Variants in HS3ST4 observed in about 807,000 individuals in gnomAD.
The protein encoded by HS3ST4 is heparan sulfate glucosamine 3-O-sulfotransferase 4.
Under a neutral mutation model 29.2 loss-of-function variants are expected in HS3ST4, and 17 were observed. The observed-to-expected ratio is 0.58, with a 90% confidence interval of 0.40 to 0.87. The LOEUF (loss-of-function observed/expected upper bound fraction) is 0.87, where lower values mean the gene tolerates loss of function less well. HS3ST4 is among the 40% of genes least tolerant of loss of function. HS3ST4 has a pLI of 0.00. For synonymous variants in HS3ST4, 314 were observed against 285.7 expected (o/e 1.10, Z -1.00); for missense variants, 627 against 634.5 (o/e 0.99, Z 0.13).
At chr16:25,930,217 C>A (rs971088604) in intron 1 of HS3ST4, among the ~76,000 whole-genome samples, 1 of 152,122 alleles carries the variant, frequency 6.6e-6, no homozygotes, top group Non-Finnish European at 1.5e-5. Flanking sequence ...GAACATGCTT[C>A]TGGTTGTGGA....
chr16:26,075,108 G>A (rs1037172785), intron 1 of HS3ST4, among the ~76,000 whole-genome samples: 13 of 152,124 alleles, frequency 8.5e-5, no homozygotes, highest in African/African-American at 2.9e-4. Flanking sequence ...CAGGAGAATC[G>A]CTTGAACCCG....
intron 1 of HS3ST4, among the ~76,000 whole-genome samples, chr16:25,718,991 G>C (rs1218295241): frequency 1.3e-5 from 2 of 152,134 alleles, no homozygotes. Context: ...TGGAAGTAAG[G>C]GTTTTAAAAG....
At chr16:25,873,414 C>T (rs372149837) in intron 1 of HS3ST4, among the ~76,000 whole-genome samples, 7 of 112,434 alleles carry the variant, frequency 6.2e-5, no homozygotes, top group Non-Finnish European at 1.1e-4. Flanking sequence ...ATCCATCCAT[C>T]CACCCATCCA....
intron 1 of HS3ST4, among the ~76,000 whole-genome samples, chr16:26,005,150 A>G (rs1969246533): frequency 6.6e-6 from 1 of 152,190 alleles, no homozygotes; most frequent in Non-Finnish European, 1.5e-5. Flanking sequence ...CAAAATGCTT[A>G]CTTTCTGAAT....
intron 1 of HS3ST4, among the ~76,000 whole-genome samples, chr16:25,911,401 G>T (rs984239454): frequency 3.3e-5 from 5 of 151,328 alleles, no homozygotes; most frequent in Non-Finnish European, 5.9e-5. Flanking sequence ...AAGCCAGCCT[G>T]TCAGGTAAAC....
intron 1 of HS3ST4, among the ~76,000 whole-genome samples, chr16:26,027,198 C>A (rs1969485083): frequency 6.6e-6 from 1 of 152,116 alleles, no homozygotes; most frequent in Admixed American, 6.6e-5. Flanking sequence ...TGGACTGTAG[C>A]CATGCTGTCA....
intron 1 of HS3ST4, among the ~76,000 whole-genome samples, chr16:26,101,335 T>C (rs899774519): frequency 1.7e-4 from 26 of 152,238 alleles, no homozygotes; most frequent in Admixed American, 1.6e-3. Flanking sequence ...TCCTCGTCTC[T>C]GTCATCTCCA....
chr16:25,693,169 G>A lies in HS3ST4; in HGVS notation c.734+18G>A. 6.5e-7 allele frequency: 1 copy of A among 1,550,122 alleles called. No individual in the cohort carries two copies. Among genetic ancestry groups the A allele is most frequent in the Non-Finnish European group, 8.7e-7 (1 of 1,149,870 alleles). On this transcript the variant is annotated intron_variant, in intron 1 of 1. Transcript: ENST00000331351. ...TGGTACAGGTAGGACCCTGGGCTCC[G>A]CGGGCTGGTGGAGACGCGTGGGGGA... is the stretch of plus-strand genomic sequence containing the variant.
intron 1 of HS3ST4, among the ~76,000 whole-genome samples, chr16:26,067,664 T>C (rs553198069): frequency 6.6e-6 from 1 of 152,154 alleles, no homozygotes; most frequent in Non-Finnish European, 1.5e-5. Flanking sequence ...TCTTTACATC[T>C]CCAGAAAAGA....
rs760630417 is a variant in HS3ST4 at position 25,923,855 on chromosome 16, C to A, written c.735-211757C>A. ...GAGCATTCTTGGTGAGCTGTAACAT[C>A]CATCATGCTTAAGTGGATCCCATTG... is the stretch of plus-strand genomic sequence containing the variant. On this transcript the variant is annotated intron_variant, in intron 1 of 1. Transcript: ENST00000331351. Among the ~76,000 whole-genome samples, 2 of 152,138 alleles carry A rather than the reference C, an allele frequency of 1.3e-5. 1 individual carries two copies.
intron 1 of HS3ST4, among the ~76,000 whole-genome samples, chr16:25,775,874 C>T (rs1228348321): frequency 2.6e-5 from 4 of 152,156 alleles, no homozygotes; most frequent in African/African-American, 9.7e-5. Flanking sequence ...TGGCACAGAC[C>T]ATTTATCTTG....
At chr16:26,037,172 C>T (rs1969591181) in intron 1 of HS3ST4, among the ~76,000 whole-genome samples, 1 of 152,176 alleles carries the variant, frequency 6.6e-6, no homozygotes, top group African/African-American at 2.4e-5. Context: ...ATCCTTGCCT[C>T]ATGCCATATA....
rs139370604 is a variant in HS3ST4, at chr16:26,056,687, C to T, written c.735-78925C>T. 3.5e-4 allele frequency among the ~76,000 whole-genome samples: 53 copies of T among 152,298 alleles called. No individual in the cohort carries two copies. In the East Asian group the frequency reaches 5.8e-3, roughly 17 times the overall value. On this transcript the variant is annotated intron_variant, in intron 1 of 1. Coordinates refer to ENST00000331351, the MANE Select transcript of HS3ST4 (RefSeq NM_006040.3). ...TCCCTGCCACTGCCCTGCTCCCAAC[C>T]TCCTAAAAAATCACAAAGGACATCA...
At chr16:25,722,407 CA>C (rs1966503649) in intron 1 of HS3ST4, among the ~76,000 whole-genome samples, 1 of 151,750 alleles carries the variant, frequency 6.6e-6, no homozygotes, top group African/African-American at 2.4e-5. Context: ...TGTGTAGGTC[CA>C]ATACACACAC....
At chr16:26,017,180 C>T (rs1226184614) in intron 1 of HS3ST4, among the ~76,000 whole-genome samples, 1 of 152,178 alleles carries the variant, frequency 6.6e-6, no homozygotes, top group Non-Finnish European at 1.5e-5. Context: ...AAATTAGTAC[C>T]ATGAGTGGGG....
intron 1 of HS3ST4, among the ~76,000 whole-genome samples, chr16:25,716,501 G>T (rs984636051): frequency 6.6e-6 from 1 of 152,212 alleles, no homozygotes. Context: ...GTGCCAGGTA[G>T]AGAAAGCCGC....
chr16:25,847,430 A>G (rs1967477499), intron 1 of HS3ST4, among the ~76,000 whole-genome samples: 1 of 152,198 alleles, frequency 6.6e-6, no homozygotes, highest in Non-Finnish European at 1.5e-5. Context: ...ATGATAACAC[A>G]TGCAAATAGT....
At chr16:25,904,994 T>G (rs1416300243) in intron 1 of HS3ST4, among the ~76,000 whole-genome samples, 1 of 152,162 alleles carries the variant, frequency 6.6e-6, no homozygotes, top group Admixed American at 6.5e-5. Flanking sequence ...CTGAGCTGAG[T>G]AAAGTATGCT....
At chr16:25,862,799 G>A (rs1268606315) in intron 1 of HS3ST4, among the ~76,000 whole-genome samples, 1 of 152,198 alleles carries the variant, frequency 6.6e-6, no homozygotes, top group African/African-American at 2.4e-5. Context: ...TTACAGAAGT[G>A]AAAATGTCGC....
Sources: allele counts gnomAD v4.1 joint callset (sites outside exome capture counted in the v4.1 genomes callset), GRCh38; gene constraint gnomAD v4.1.1; transcripts MANE v1.5; gene names NCBI Gene and HGNC (gene_info 2026-07-23, HGNC 2026-07-21).